The following CNOT10 variants were observed in gnomAD, a reference collection of about 807,000 sequenced individuals.
The protein encoded by CNOT10 is CCR4-NOT transcription complex subunit 10.
A neutral mutation model predicts 94.6 loss-of-function variants in CNOT10; 30 were observed. That is an observed-to-expected ratio of 0.32 (90% CI 0.24 to 0.43). CNOT10 has a LOEUF of 0.43. Among genes scored for constraint, CNOT10 ranks in the 20% least tolerant of loss-of-function variants. The pLI is 1.00. For synonymous variants in CNOT10, 289 were observed against 301.6 expected (o/e 0.96, Z 0.43); for missense variants, 759 against 877.2 (o/e 0.87, Z 1.70).
At chr3:32,769,348 T>A (rs1342482874) in intron 17 of CNOT10, 1 of 156,176 alleles carries the variant, frequency 6.4e-6, no homozygotes, top group Admixed American at 6.2e-5. Context: ...GAGAAACTGC[T>A]GGCCGATGCT....
chr3:32,700,268 G>A lies in CNOT10; in HGVS notation c.23-3600G>A, dbSNP rs867118469. On this transcript the variant is annotated intron_variant, in intron 1 of 18. Transcript: ENST00000328834. ...TGGGATTACAGGCGTGAGCCACTGC[G>A]CCCGGCCTCAGTTTCTTTATAGAAG... 3.3e-5 allele frequency among the ~76,000 whole-genome samples: 5 copies of A among 152,192 alleles called. No homozygotes were observed. The South Asian group carries it at 8.3e-4, about 25-fold the overall frequency.
intron 1 of CNOT10, among the ~76,000 whole-genome samples, chr3:32,694,807 T>C (rs774317116): frequency 3.9e-5 from 6 of 152,156 alleles, no homozygotes; most frequent in Non-Finnish European, 8.8e-5. Flanking sequence ...GTCGGAATGC[T>C]CTCAAACTCC....
At chr3:32,772,846 C>G (rs1219876197) in intron 18 of CNOT10, among the ~76,000 whole-genome samples, 1 of 152,044 alleles carries the variant, frequency 6.6e-6, no homozygotes, top group African/African-American at 2.4e-5. Context: ...AGGGTTAGTG[C>G]ATTGCCCTAG....
At chr3:32,742,525 G>A (rs562221314) in intron 13 of CNOT10, among the ~76,000 whole-genome samples, 79 of 152,120 alleles carry the variant, frequency 5.2e-4, no homozygotes, top group Non-Finnish European at 9.6e-4. Context: ...GAGATTACAG[G>A]CATGTGCCAC....
chr3:32,756,299 G>A (rs571784920), intron 13 of CNOT10, among the ~76,000 whole-genome samples: 1 of 152,262 alleles, frequency 6.6e-6, no homozygotes, highest in African/African-American at 2.4e-5. Context: ...TTAATTGAAT[G>A]ATTATTTTTT....
At chr3:32,739,105 C>T (rs1267113674) in intron 13 of CNOT10, among the ~76,000 whole-genome samples, 5 of 151,998 alleles carry the variant, frequency 3.3e-5, no homozygotes, top group Non-Finnish European at 7.4e-5. Flanking sequence ...GGGGTTTTAC[C>T]ATGTTAGCCA....
chr3:32,732,297 A>T (rs894159222), intron 10 of CNOT10, among the ~76,000 whole-genome samples: 2 of 151,544 alleles, frequency 1.3e-5, no homozygotes, highest in Non-Finnish European at 2.9e-5. Context: ...GGCTGAGGCA[A>T]GAGAATCACT....
At chr3:32,750,219 G>A (rs1297264963) in intron 13 of CNOT10, among the ~76,000 whole-genome samples, 2 of 152,054 alleles carry the variant, frequency 1.3e-5, no homozygotes, top group Non-Finnish European at 2.9e-5. Flanking sequence ...TAAGGCCTGG[G>A]CACAGTGACT....
chr3:32,749,438 T>C (rs1474378678), intron 13 of CNOT10, among the ~76,000 whole-genome samples: 2 of 149,844 alleles, frequency 1.3e-5, no homozygotes, highest in Non-Finnish European at 3.0e-5. Flanking sequence ...AGACTGAGTT[T>C]TGCTCTTATT....
At chr3:32,751,410 A>G (rs1699961043) in intron 13 of CNOT10, among the ~76,000 whole-genome samples, 1 of 152,156 alleles carries the variant, frequency 6.6e-6, no homozygotes, top group African/African-American at 2.4e-5. Context: ...CTGGCCTGAA[A>G]ATGAAATTTT....
intron 13 of CNOT10, chr3:32,753,835 C>T: frequency 6.4e-7 from 1 of 1,551,192 alleles, no homozygotes; most frequent in African/African-American, 1.4e-5. Flanking sequence ...TGAGTACCAG[C>T]TGGTCTGATG....
intron 15 of CNOT10, 134 bp downstream of exon 15, chr3:32,762,997 G>C: frequency 2.3e-6 from 2 of 868,318 alleles, no homozygotes; most frequent in Non-Finnish European, 3.3e-6. Context: ...ATTTTTGTCT[G>C]TACTTACTTT....
chr3:32,725,608 A>C lies in CNOT10; in HGVS notation c.1012+9A>C, dbSNP rs781760762. The stretch of plus-strand genomic sequence containing the variant: ...AGGTAGCACTGATCCAGGTAAGCCC[A>C]GTACTGGGGGACAGTTTGTATTTAC... On this transcript the variant is annotated intron_variant, in intron 9 of 18. Transcript: ENST00000328834. The C allele has an allele frequency of 2.5e-6, 4 of 1,596,878 alleles. No individual in the cohort carries two copies. The African/African-American group carries it at 5.4e-5, about 22-fold the overall frequency.
At chr3:32,691,167 T>C (rs1011400466) in intron 1 of CNOT10, among the ~76,000 whole-genome samples, 4 of 144,828 alleles carry the variant, frequency 2.8e-5, no homozygotes, top group Non-Finnish European at 3.1e-5. Flanking sequence ...AGCTTTTTTT[T>C]TTTTTTTTTT....
rs1048277277 is a variant in CNOT10 at position 32,773,780 on chromosome 3, C to T, written c.*169C>T. ...ACTTAAAATTAAGGATTTACTAAGT[C>T]ATCATCAGCTGTTTTTCTTAATTTC... On this transcript the variant is annotated 3_prime_UTR_variant, in exon 19 of 19. Transcript: ENST00000328834. 5 of 586,330 alleles carry T rather than the reference C, an allele frequency of 8.5e-6. No homozygotes were observed. In the East Asian group the frequency reaches 9.3e-5, roughly 11 times the overall value. 36.3% of individuals were successfully genotyped at this position (586,330 alleles called of 1,614,324 possible).
At chr3:32,741,764 G>A (rs377577003) in intron 13 of CNOT10, among the ~76,000 whole-genome samples, 3 of 123,414 alleles carry the variant, frequency 2.4e-5, no homozygotes, top group South Asian at 2.5e-4. Flanking sequence ...GCGAGACTCC[G>A]TCTCAAAAAA....
At chr3:32,739,278 T>A (rs771844375) in intron 13 of CNOT10, among the ~76,000 whole-genome samples, 1 of 152,222 alleles carries the variant, frequency 6.6e-6, no homozygotes, top group Non-Finnish European at 1.5e-5. Context: ...TGCTAGCAAT[T>A]TACATATTGG....
chr3:32,725,664 G>GA, intron 9 of CNOT10, 65 bp downstream of exon 9: 1 of 1,455,116 alleles, frequency 6.9e-7, no homozygotes, highest in Non-Finnish European at 9.4e-7. Flanking sequence ...TAAAAAGCAT[G>GA]AATGTGGTTA....
intron 2 of CNOT10, among the ~76,000 whole-genome samples, chr3:32,704,415 C>T (rs1011302089): frequency 1.4e-4 from 21 of 152,066 alleles, no homozygotes; most frequent in African/African-American, 5.1e-4. Flanking sequence ...ATTTGGTTAT[C>T]AGGTTACGTG....
Sources: gnomAD v4.1 joint callset for allele counts (sites outside exome capture counted in the v4.1 genomes callset) on GRCh38, gnomAD v4.1.1 for gene constraint, MANE v1.5 for transcripts, NCBI Gene and HGNC (gene_info 2026-07-23, HGNC 2026-07-21) for gene names.